MDGA2: variants seen among roughly 807,000 people sequenced by gnomAD.
MDGA2 encodes the protein MAM domain-containing glycosylphosphatidylinositol anchor protein 2.
Under a neutral mutation model 117.8 loss-of-function variants are expected in MDGA2, and 40 were observed. The observed-to-expected ratio is 0.34, with a 90% CI of 0.26 to 0.44. The LOEUF is 0.44. Ranked by LOEUF, MDGA2 falls within the 20% of genes least tolerant of loss-of-function variation. The pLI is 1.00. For synonymous variants in MDGA2, 452 were observed against 439.0 expected (o/e 1.03, Z -0.37); for missense variants, 1,123 against 1,250.6 (o/e 0.90, Z 1.54).
At chr14:47,494,099 G>GTT (rs1894229232) in intron 1 of MDGA2, among the ~76,000 whole-genome samples, 1 of 152,128 alleles carries the variant, frequency 6.6e-6, no homozygotes. Flanking sequence ...CTGCTGCCAT[G>GTT]TGAAGAAGTA....
At chr14:47,214,890 A>T (rs973485519) in intron 3 of MDGA2, among the ~76,000 whole-genome samples, 4 of 152,168 alleles carry the variant, frequency 2.6e-5, no homozygotes, top group Admixed American at 1.3e-4. Context: ...GTTATTATAC[A>T]TCAATAGATT....
At chr14:47,590,790 CA>C (rs1896422911) in intron 1 of MDGA2, among the ~76,000 whole-genome samples, 1 of 151,744 alleles carries the variant, frequency 6.6e-6, no homozygotes, top group South Asian at 2.1e-4. Context: ...TATGTAACCA[CA>C]AAAATTTTTC....
intron 5 of MDGA2, among the ~76,000 whole-genome samples, chr14:47,120,066 T>C (rs1881568192): frequency 6.6e-6 from 1 of 152,172 alleles, no homozygotes; most frequent in South Asian, 2.1e-4. Flanking sequence ...GACACTACAC[T>C]ACCCAGTGAC....
chr14:47,246,432 G>A (rs1031539882), intron 2 of MDGA2, among the ~76,000 whole-genome samples: 4 of 151,788 alleles, frequency 2.6e-5, no homozygotes, highest in Non-Finnish European at 5.9e-5. Flanking sequence ...CCAGAAGGCT[G>A]CAATTTCCCA....
At chr14:47,547,640 C>T (rs1895490056) in intron 1 of MDGA2, among the ~76,000 whole-genome samples, 1 of 152,136 alleles carries the variant, frequency 6.6e-6, no homozygotes, top group African/African-American at 2.4e-5. Context: ...CAGGTAAAAG[C>T]ATAAAAGTTG....
chr14:47,044,957 G>A (rs1384319863), intron 7 of MDGA2, among the ~76,000 whole-genome samples: 1 of 152,172 alleles, frequency 6.6e-6, no homozygotes, highest in Non-Finnish European at 1.5e-5. Flanking sequence ...TTTGGTATTG[G>A]AGATGGGGAG....
rs369412451 is a variant in MDGA2 at position 47,567,520 on chromosome 14, A to G, written c.280+106997T>C. On this transcript the variant is annotated intron_variant, in intron 1 of 16. Transcript: ENST00000399232. The stretch of plus-strand genomic sequence containing the variant: ...TCTTTCTGAGCTCATTCCAACTATG[A>G]CAGAGAATGCCTTCATATGCAAAAC... Among the ~76,000 whole-genome samples the G allele has an allele frequency of 6.3e-4, 96 of 152,320 alleles. No homozygotes were observed. In the South Asian group the frequency reaches 0.019, roughly 31 times the overall value.
intron 10 of MDGA2, among the ~76,000 whole-genome samples, chr14:46,894,192 T>C (rs1037853040): frequency 4.6e-5 from 7 of 152,100 alleles, no homozygotes; most frequent in Admixed American, 4.6e-4. Flanking sequence ...TTATCTTCAT[T>C]TCCTCAGTTG....
At chr14:46,997,428 G>A (rs7142613) in intron 8 of MDGA2, among the ~76,000 whole-genome samples, 3,921 of 152,246 alleles carry the variant, frequency 0.026, 166 homozygotes, top group African/African-American at 0.088. Context: ...TTACAAATAA[G>A]CTTGTTATAA....
chr14:46,980,710 A>T (rs1032138666), intron 8 of MDGA2, among the ~76,000 whole-genome samples: 1 of 152,208 alleles, frequency 6.6e-6, no homozygotes, highest in Non-Finnish European at 1.5e-5. Flanking sequence ...AGCCATAAAC[A>T]TCAAGGCAAG....
intron 1 of MDGA2, among the ~76,000 whole-genome samples, chr14:47,624,909 C>G (rs1322429343): frequency 6.6e-6 from 1 of 152,068 alleles, no homozygotes; most frequent in African/African-American, 2.4e-5. Context: ...AATCTTTGCC[C>G]ATATAGATAT....
chr14:47,397,494 C>A (rs1892039592), intron 1 of MDGA2, among the ~76,000 whole-genome samples: 1 of 149,090 alleles, frequency 6.7e-6, no homozygotes, highest in Non-Finnish European at 1.5e-5. Context: ...AAAAGATGAC[C>A]AAAAAAAAAC....
intron 2 of MDGA2, among the ~76,000 whole-genome samples, chr14:47,242,488 G>C (rs969337195): frequency 6.6e-6 from 1 of 151,870 alleles, no homozygotes; most frequent in Non-Finnish European, 1.5e-5. Flanking sequence ...CGCTTGCGGG[G>C]CAGCTGGAGT....
At chr14:46,848,042 C>T (rs979641828) in intron 15 of MDGA2, among the ~76,000 whole-genome samples, 1 of 151,800 alleles carries the variant, frequency 6.6e-6, no homozygotes, top group African/African-American at 2.4e-5. Flanking sequence ...ACAATGTAGC[C>T]ATAGCAAAGA....
At chr14:46,882,577 C>G (rs1882507387) in intron 10 of MDGA2, among the ~76,000 whole-genome samples, 1 of 151,026 alleles carries the variant, frequency 6.6e-6, no homozygotes, top group Admixed American at 6.6e-5. Flanking sequence ...ATACTTACAA[C>G]TCTATCACAT....
At chr14:46,998,837 T>C (rs892498697) in intron 8 of MDGA2, among the ~76,000 whole-genome samples, 5 of 152,092 alleles carry the variant, frequency 3.3e-5, no homozygotes, top group Admixed American at 2.6e-4. Context: ...ACTTACAAAT[T>C]GGACAAGGAA....
intron 1 of MDGA2, among the ~76,000 whole-genome samples, chr14:47,564,630 G>T (rs952407107): frequency 6.6e-6 from 1 of 152,162 alleles, no homozygotes; most frequent in African/African-American, 2.4e-5. Context: ...TCAGATTTGG[G>T]TGGGGACACA....
chr14:47,673,130 G>T (rs1353380129), intron 1 of MDGA2, among the ~76,000 whole-genome samples: 1 of 152,078 alleles, frequency 6.6e-6, no homozygotes, highest in African/African-American at 2.4e-5. Flanking sequence ...GAGTGCAGTG[G>T]GTACCAGAGC....
chr14:47,475,856 A>G (rs1165033443), intron 1 of MDGA2, among the ~76,000 whole-genome samples: 1 of 152,096 alleles, frequency 6.6e-6, no homozygotes, highest in East Asian at 1.9e-4. Flanking sequence ...AAGAACAGAA[A>G]AGGCATGCTG....
Sources: allele counts gnomAD v4.1 joint callset (sites outside exome capture counted in the v4.1 genomes callset), GRCh38; gene constraint gnomAD v4.1.1; transcripts MANE v1.5; gene names NCBI Gene and HGNC (gene_info 2026-07-23, HGNC 2026-07-21).